The following ATRNL1 variants were observed in gnomAD, a reference collection of about 807,000 sequenced individuals.
ATRNL1 encodes attractin like 1, also known as attractin-like protein 1.
ATRNL1 carries 95 observed loss-of-function variants against 182.7 expected under a neutral mutation model. That is an observed-to-expected ratio of 0.52 (90% CI 0.44 to 0.62). The LOEUF is 0.62. ATRNL1 is among the 20% of genes least tolerant of loss of function. ATRNL1 has a pLI of 0.00. For missense variants in ATRNL1, 1,471 were observed against 1,679.5 expected, an observed-to-expected ratio of 0.88 and a Z score of 2.17; for synonymous variants, 576 against 568.3, an observed-to-expected ratio of 1.01 and a Z score of -0.19.
At chr10:115,424,535 T>C (rs1554962547) in intron 20 of ATRNL1, among the ~76,000 whole-genome samples, 1 of 152,170 alleles carries the variant, frequency 6.6e-6, no homozygotes, top group Non-Finnish European at 1.5e-5. Flanking sequence ...TCAATCTAAG[T>C]CTGTATCAAG....
intron 6 of ATRNL1, among the ~76,000 whole-genome samples, chr10:115,163,357 T>C (rs1464723625): frequency 6.6e-6 from 1 of 151,726 alleles, no homozygotes; most frequent in Non-Finnish European, 1.5e-5. Flanking sequence ...TTTTATTTTC[T>C]TGTTTTATTT....
At chr10:115,533,485 TTC>T (rs1406018258) in intron 25 of ATRNL1, among the ~76,000 whole-genome samples, 4 of 152,020 alleles carry the variant, frequency 2.6e-5, no homozygotes, top group Non-Finnish European at 4.4e-5. Flanking sequence ...TATTTGATTC[TTC>T]TCTCTTTTTT....
intron 13 of ATRNL1, among the ~76,000 whole-genome samples, chr10:115,276,513 C>T (rs1852112018): frequency 6.6e-6 from 1 of 152,098 alleles, no homozygotes; most frequent in Non-Finnish European, 1.5e-5. Flanking sequence ...ATGGTACTCA[C>T]TTGTAATTTA....
chr10:115,625,965 C>T (rs1320817094), intron 26 of ATRNL1, among the ~76,000 whole-genome samples: 2 of 152,070 alleles, frequency 1.3e-5, no homozygotes, highest in Non-Finnish European at 2.9e-5. Flanking sequence ...CACACTTTCC[C>T]CCTCATCTCC....
chr10:115,366,617 T>A (rs1420600894), intron 19 of ATRNL1, among the ~76,000 whole-genome samples: 3 of 150,090 alleles, frequency 2.0e-5, no homozygotes, highest in African/African-American at 7.3e-5. Flanking sequence ...CTAGTCTCGA[T>A]GGTCTTTACA....
chr10:115,622,238 C>T (rs931423840), intron 26 of ATRNL1, among the ~76,000 whole-genome samples: 28 of 152,144 alleles, frequency 1.8e-4, no homozygotes, highest in African/African-American at 6.5e-4. Flanking sequence ...GATTGAGGAA[C>T]GGGCAAACTT....
At chr10:115,530,966 T>G (rs1554988083) in intron 25 of ATRNL1, among the ~76,000 whole-genome samples, 1 of 152,128 alleles carries the variant, frequency 6.6e-6, no homozygotes, top group African/African-American at 2.4e-5. Flanking sequence ...ACTCATCATT[T>G]TTATGGCTGC....
At chr10:115,250,643 C>G (rs544711269) in intron 10 of ATRNL1, among the ~76,000 whole-genome samples, 1 of 152,042 alleles carries the variant, frequency 6.6e-6, no homozygotes, top group South Asian at 2.2e-4. Context: ...AGATGGTTTG[C>G]TTTCTTCTTT....
chr10:115,815,480 TAA>T (rs2134267460), intron 27 of ATRNL1, among the ~76,000 whole-genome samples: 1 of 100 alleles, frequency 0.01, no homozygotes, highest in South Asian at 0.5. Flanking sequence ...GCTAAATTCA[TAA>T]GTTTCCACTT....
chr10:115,517,982 T>G (rs1554984283), intron 24 of ATRNL1, among the ~76,000 whole-genome samples: 1 of 151,912 alleles, frequency 6.6e-6, no homozygotes, highest in Non-Finnish European at 1.5e-5. Context: ...TATAAGTGTT[T>G]CATAATTCAA....
chr10:115,592,156 C>T (rs1855946805), intron 26 of ATRNL1, among the ~76,000 whole-genome samples: 1 of 152,190 alleles, frequency 6.6e-6, no homozygotes, highest in South Asian at 2.1e-4. Flanking sequence ...ACGGTAGGTA[C>T]TGGGGACTAC....
chr10:115,626,189 G>C (rs1203511714), intron 26 of ATRNL1, among the ~76,000 whole-genome samples: 1 of 152,128 alleles, frequency 6.6e-6, no homozygotes, highest in African/African-American at 2.4e-5. Flanking sequence ...AAAATAAAGA[G>C]AACTTAAAAA....
intron 20 of ATRNL1, among the ~76,000 whole-genome samples, chr10:115,422,959 A>G (rs533259829): frequency 6.6e-6 from 1 of 152,316 alleles, no homozygotes; most frequent in Non-Finnish European, 1.5e-5. Context: ...CTGTACCCCA[A>G]ACCTCTGTGA....
At chr10:115,915,912 T>A (rs1038998826) in intron 28 of ATRNL1, among the ~76,000 whole-genome samples, 7 of 152,232 alleles carry the variant, frequency 4.6e-5, no homozygotes, top group African/African-American at 1.7e-4. Context: ...TTAAGAGATC[T>A]GCACTCCTTT....
At chr10:115,207,878 G>A (rs186572326) in intron 8 of ATRNL1, among the ~76,000 whole-genome samples, 149 of 151,818 alleles carry the variant, frequency 9.8e-4, no homozygotes, top group African/African-American at 3.3e-3. Flanking sequence ...GCATTTCTCA[G>A]TTTCATGGAA....
intron 28 of ATRNL1, among the ~76,000 whole-genome samples, chr10:115,895,674 C>A (rs755745328): frequency 6.6e-6 from 1 of 152,128 alleles, no homozygotes; most frequent in African/African-American, 2.4e-5. Flanking sequence ...GACTCGGACC[C>A]GGTGGTCAAA....
chr10:115,282,080 A>G (rs1400980582), intron 14 of ATRNL1, among the ~76,000 whole-genome samples: 1 of 144,648 alleles, frequency 6.9e-6, no homozygotes, highest in South Asian at 2.1e-4. Context: ...ATTTATTAAA[A>G]TTATATATCT....
At chr10:115,783,259 T>G (rs1424568429) in intron 27 of ATRNL1, among the ~76,000 whole-genome samples, 3 of 151,856 alleles carry the variant, frequency 2.0e-5, no homozygotes, top group African/African-American at 4.8e-5. Flanking sequence ...CACACACATT[T>G]AAGTGTGTAT....
intron 9 of ATRNL1, among the ~76,000 whole-genome samples, chr10:115,238,773 C>T (rs2133812664): frequency 6.6e-6 from 1 of 152,250 alleles, no homozygotes; most frequent in East Asian, 1.9e-4. Flanking sequence ...CAAGAACTTC[C>T]ACTAAAATGT....
Sources: gnomAD v4.1 joint callset for allele counts (sites outside exome capture counted in the v4.1 genomes callset) on GRCh38, gnomAD v4.1.1 for gene constraint, MANE v1.5 for transcripts, NCBI Gene and HGNC (gene_info 2026-07-23, HGNC 2026-07-21) for gene names.